Variants in GPC5 observed in about 807,000 individuals in gnomAD.
GPC5 encodes glypican-5.
A neutral mutation model predicts 53.9 loss-of-function variants in GPC5; 47 were observed. That is an observed-to-expected ratio of 0.87 (90% CI 0.69 to 1.11). The LOEUF (loss-of-function observed/expected upper bound fraction) is 1.11, where lower values mean the gene tolerates loss of function less well. Among genes scored for constraint, GPC5 ranks in the 50% most tolerant of loss-of-function variants. GPC5 has a pLI of 0.00. For synonymous variants in GPC5, 286 were observed against 263.3 expected, an observed-to-expected ratio of 1.09 and a Z score of -0.84; for missense variants, 748 against 713.1, an observed-to-expected ratio of 1.05 and a Z score of -0.56.
intron 2 of GPC5, among the ~76,000 whole-genome samples, chr13:91,506,817 A>C (rs1884969520): frequency 6.6e-6 from 1 of 152,092 alleles, no homozygotes; most frequent in South Asian, 2.1e-4. Context: ...ATAAACCTTG[A>C]TTTTCCAAGT....
intron 7 of GPC5, among the ~76,000 whole-genome samples, chr13:92,655,297 TTTTA>T (rs374530742): frequency 1.2e-3 from 170 of 146,142 alleles, no homozygotes; most frequent in Middle Eastern, 3.5e-3. Flanking sequence ...AGTTGATTGC[TTTTA>T]TTTATTTATT....
intron 7 of GPC5, among the ~76,000 whole-genome samples, chr13:92,767,032 G>T (rs1174786257): frequency 1.3e-5 from 2 of 152,148 alleles, no homozygotes; most frequent in Admixed American, 1.3e-4. Flanking sequence ...ATCTATTGTG[G>T]GTCTCGTGCA....
intron 2 of GPC5, among the ~76,000 whole-genome samples, chr13:91,507,835 A>G (rs560377240): frequency 3.5e-4 from 54 of 152,338 alleles, no homozygotes; most frequent in Non-Finnish European, 6.8e-4. Flanking sequence ...AAATTATATC[A>G]TATATACTTT....
At chr13:91,831,330 T>C (rs1002656846) in intron 5 of GPC5, among the ~76,000 whole-genome samples, 5 of 151,692 alleles carry the variant, frequency 3.3e-5, no homozygotes, top group Admixed American at 1.3e-4. Context: ...TGCTTTATAT[T>C]CCCTTGAAGC....
chr13:92,377,483 G>C (rs981727452), intron 7 of GPC5, among the ~76,000 whole-genome samples: 3 of 152,140 alleles, frequency 2.0e-5, no homozygotes, highest in Non-Finnish European at 4.4e-5. Flanking sequence ...AACTAGAAAA[G>C]TTTAGTAATA....
chr13:92,574,691 G>A (rs2139045100), intron 7 of GPC5, among the ~76,000 whole-genome samples: 1 of 152,226 alleles, frequency 6.6e-6, no homozygotes, highest in Admixed American at 6.5e-5. Flanking sequence ...GGGCAGTCTG[G>A]CTCTGAACTC....
At chr13:92,855,055 C>A (rs2138848932) in intron 7 of GPC5, among the ~76,000 whole-genome samples, 1 of 151,998 alleles carries the variant, frequency 6.6e-6, no homozygotes, top group South Asian at 2.1e-4. Context: ...CATATAAATG[C>A]AAATGACTAA....
chr13:92,770,176 G>A (rs2138748124), intron 7 of GPC5, among the ~76,000 whole-genome samples: 1 of 152,242 alleles, frequency 6.6e-6, no homozygotes, highest in African/African-American at 2.4e-5. Context: ...CACTTTAGGA[G>A]GCTGAGGCAG....
chr13:92,522,366 T>C (rs569698234), intron 7 of GPC5, among the ~76,000 whole-genome samples: 31 of 152,162 alleles, frequency 2.0e-4, no homozygotes, highest in African/African-American at 7.5e-4. Flanking sequence ...TTGGAACCAA[T>C]CCAAATGTCC....
At chr13:91,903,563 A>G (rs2039521117) in intron 5 of GPC5, among the ~76,000 whole-genome samples, 1 of 152,104 alleles carries the variant, frequency 6.6e-6, no homozygotes, top group South Asian at 2.1e-4. Context: ...TGTATGTATC[A>G]CTATTTCAAT....
chr13:92,623,252 G>A (rs1884934788), intron 7 of GPC5, among the ~76,000 whole-genome samples: 2 of 152,142 alleles, frequency 1.3e-5, no homozygotes, highest in South Asian at 2.1e-4. Context: ...AAGACTCAAT[G>A]TTGTCAGTAA....
At chr13:91,618,155 A>G (rs970128914) in intron 2 of GPC5, among the ~76,000 whole-genome samples, 1 of 152,136 alleles carries the variant, frequency 6.6e-6, no homozygotes. Flanking sequence ...GTGAATCAAA[A>G]GCAGTTTACA....
chr13:92,340,031 A>G (rs1226658534), intron 7 of GPC5: 1 of 152,134 alleles, frequency 6.6e-6, no homozygotes, highest in East Asian at 1.9e-4. Flanking sequence ...GCACGTAGCT[A>G]AGTGTTCACT....
At chr13:91,479,594 C>T (rs1594142514) in intron 2 of GPC5, among the ~76,000 whole-genome samples, 1 of 151,998 alleles carries the variant, frequency 6.6e-6, no homozygotes. Flanking sequence ...TTGTGAATAG[C>T]TACATATATA....
At chr13:91,905,890 G>A (rs545574692) in intron 5 of GPC5, among the ~76,000 whole-genome samples, 1 of 152,048 alleles carries the variant, frequency 6.6e-6, no homozygotes, top group Non-Finnish European at 1.5e-5. Context: ...ATTTTAAAAT[G>A]TCTCTTTAAT....
chr13:92,721,225 CA>C (rs2139286985), intron 7 of GPC5, among the ~76,000 whole-genome samples: 1 of 152,048 alleles, frequency 6.6e-6, no homozygotes, highest in South Asian at 2.1e-4. Flanking sequence ...AGAAACTGTA[CA>C]CCCGGCAGCT....
At chr13:92,606,449 G>GGT (rs1884264084) in intron 7 of GPC5, among the ~76,000 whole-genome samples, 1 of 152,130 alleles carries the variant, frequency 6.6e-6, no homozygotes, top group African/African-American at 2.4e-5. Flanking sequence ...AGTGTTCCAT[G>GGT]GTGTATATGT....
intron 7 of GPC5, among the ~76,000 whole-genome samples, chr13:92,795,865 G>A (rs1876657377): frequency 1.3e-5 from 2 of 152,234 alleles, no homozygotes; most frequent in Middle Eastern, 3.4e-3. Flanking sequence ...CAAAACAACA[G>A]ATGCTGGAGA....
intron 2 of GPC5, among the ~76,000 whole-genome samples, chr13:91,555,275 G>A (rs1460341192): frequency 2.0e-5 from 3 of 151,920 alleles, no homozygotes; most frequent in Admixed American, 1.3e-4. Context: ...CATGATAGCC[G>A]ATGTTTGACT....
Sources: allele counts gnomAD v4.1 joint callset (sites outside exome capture counted in the v4.1 genomes callset), GRCh38; gene constraint gnomAD v4.1.1; transcripts MANE v1.5; gene names NCBI Gene and HGNC (gene_info 2026-07-23, HGNC 2026-07-21).